TMEM272: variants seen among roughly 807,000 people sequenced by gnomAD.
TMEM272 encodes long intergenic non-protein coding RNA 282.
A neutral mutation model predicts 3.7 loss-of-function variants in TMEM272; 8 were observed. That is an observed-to-expected ratio of 2.17 (90% CI 1.27 to 3.91). The LOEUF is 3.91. TMEM272 is among the 30% of genes most tolerant of loss of function. The pLI is 0.00. For synonymous variants in TMEM272, 63 were observed against 39.8 expected, an observed-to-expected ratio of 1.58 and a Z score of -2.20; for missense variants, 166 against 91.5, an observed-to-expected ratio of 1.81 and a Z score of -3.32.
intron 1 of TMEM272, among the ~76,000 whole-genome samples, chr13:51,839,077 C>T (rs904890974): frequency 1.3e-5 from 2 of 151,984 alleles, no homozygotes; most frequent in African/African-American, 4.8e-5. Flanking sequence ...CTTCCTGACG[C>T]AGCTGCTGCA....
the TMEM272 span, among the ~76,000 whole-genome samples, chr13:51,879,683 C>T: frequency 1.3e-5 from 2 of 152,328 alleles, no homozygotes; most frequent in South Asian, 4.1e-4. Context: ...TCCACTTCCA[C>T]CAGGAATTTC....
intron 2 of TMEM272, among the ~76,000 whole-genome samples, chr13:51,831,400 G>A (rs1156665299): frequency 1.3e-5 from 2 of 152,096 alleles, no homozygotes; most frequent in Non-Finnish European, 2.9e-5. Context: ...CTCCAGCCTG[G>A]GCAACAGTGC....
chr13:51,822,067 G>A lies in TMEM272; in HGVS notation c.189C>T (p.Val63=), dbSNP rs553510482. 3.8e-5 allele frequency: 27 copies of A among 702,496 alleles called. No homozygotes were observed. The highest frequency in any genetic ancestry group is 3.3e-4 in the African/African-American group (19 of 57,320). 43.5% of individuals were successfully genotyped at this position (702,496 alleles called of 1,614,324 possible). A position where few individuals can be genotyped will look rare whatever the true frequency, so the allele number is the denominator to read the frequency against. ...AAAGATACTTTACCTTTAAGGTACCGACGATGCCACCCACTAGCAAATATA... is the reference window on the plus strand; with the variant it reads ...AAAGATACTTTACCTTTAAGGTACCAACGATGCCACCCACTAGCAAATATA... The part of the protein sequence containing the change: ...IPLYLLVGGI[V]GTLKVSLLLY... Residue 63 remains valine, a synonymous_variant, in exon 4 of 5, where the codon GTC becomes GTT. Coordinates refer to ENST00000629372, the MANE Select transcript of TMEM272 (RefSeq NM_001351003.2).
At chr13:51,930,483 G>C in the TMEM272 span, 1 of 152,162 alleles carries the variant, frequency 6.6e-6, no homozygotes, top group African/African-American at 2.4e-5. Context: ...GTTTGAAAAT[G>C]AAGAAAATAG....
At chr13:51,819,587 C>T (rs1451440579) in intron 4 of TMEM272, among the ~76,000 whole-genome samples, 5 of 152,250 alleles carry the variant, frequency 3.3e-5, no homozygotes, top group Non-Finnish European at 7.3e-5. Flanking sequence ...CTCCCACTAA[C>T]CTTTGAGGTT....
At chr13:51,859,847 G>A in the TMEM272 span, among the ~76,000 whole-genome samples, 3 of 151,700 alleles carry the variant, frequency 2.0e-5, no homozygotes, top group Non-Finnish European at 4.4e-5. Flanking sequence ...ATTGCAAACA[G>A]AGTTATATAT....
At chr13:51,896,969 T>C in the TMEM272 span, among the ~76,000 whole-genome samples, 510 of 152,292 alleles carry the variant, frequency 3.3e-3, 3 homozygotes, top group African/African-American at 0.012. Flanking sequence ...CGCAGTTCCA[T>C]GTACACCGTC....
At chr13:51,926,976 G>GGAAAACAAAGCCCCCAGCCTAAAGCAT in the TMEM272 span, among the ~76,000 whole-genome samples, 2 of 151,972 alleles carry the variant, frequency 1.3e-5, no homozygotes, top group African/African-American at 4.8e-5. Context: ...AGCTTTAAGG[G>GGAAAACAAAGCCCCCAGCCTAAAGCAT]GAAAACAAAG....
the TMEM272 span, among the ~76,000 whole-genome samples, chr13:51,852,413 T>A: frequency 6.6e-6 from 1 of 152,184 alleles, no homozygotes; most frequent in East Asian, 1.9e-4. Context: ...CATGACAAAG[T>A]CTCCTCTTTC....
chr13:51,877,596 C>T, the TMEM272 span, among the ~76,000 whole-genome samples: 1 of 152,178 alleles, frequency 6.6e-6, no homozygotes, highest in Non-Finnish European at 1.5e-5. Flanking sequence ...AAACAGCAAA[C>T]CAAGAGGTAA....
chr13:51,865,563 T>C, the TMEM272 span: 1 of 1,614,062 alleles, frequency 6.2e-7, no homozygotes. Flanking sequence ...CGTGAAAAAA[T>C]AGAGGACTTC....
At chr13:51,865,717 T>C in the TMEM272 span, 1 of 1,614,106 alleles carries the variant, frequency 6.2e-7, no homozygotes, top group Middle Eastern at 1.6e-4. Context: ...TGGAAAAGTC[T>C]TTCAGGGAGG....
the TMEM272 span, among the ~76,000 whole-genome samples, chr13:51,905,155 A>G: frequency 1.3e-5 from 2 of 152,232 alleles, no homozygotes; most frequent in Non-Finnish European, 2.9e-5. Flanking sequence ...GTCAACAGAG[A>G]ACGGCCCTAA....
At chr13:51,904,529 C>G in the TMEM272 span, among the ~76,000 whole-genome samples, 1 of 152,050 alleles carries the variant, frequency 6.6e-6, no homozygotes, top group African/African-American at 2.4e-5. Context: ...AATAGGAATT[C>G]ATGGTATGGA....
chr13:51,932,159 G>A, the TMEM272 span, among the ~76,000 whole-genome samples: 1 of 151,982 alleles, frequency 6.6e-6, no homozygotes, highest in African/African-American at 2.4e-5. Context: ...AGATTACACT[G>A]TCAACTCCCT....
chr13:51,895,471 G>A, the TMEM272 span, among the ~76,000 whole-genome samples: 1 of 152,166 alleles, frequency 6.6e-6, no homozygotes, highest in African/African-American at 2.4e-5. Context: ...TTTAGGCAGG[G>A]AATGGATTCT....
At chr13:51,916,704 T>C in the TMEM272 span, among the ~76,000 whole-genome samples, 13 of 152,196 alleles carry the variant, frequency 8.5e-5, no homozygotes, top group Admixed American at 2.0e-4. Context: ...AGGTCAGTTA[T>C]CCAAGAAATC....
At chr13:51,902,586 C>A in the TMEM272 span, among the ~76,000 whole-genome samples, 4 of 152,344 alleles carry the variant, frequency 2.6e-5, no homozygotes, top group African/African-American at 9.6e-5. Flanking sequence ...AGGGACTGAG[C>A]ATTCTGCCAA....
chr13:51,912,710 C>T, the TMEM272 span, among the ~76,000 whole-genome samples: 1 of 152,190 alleles, frequency 6.6e-6, no homozygotes, highest in Non-Finnish European at 1.5e-5. Context: ...TGTCTGCCTA[C>T]TGACCCCTGC....
Sources: allele counts gnomAD v4.1 joint callset (sites outside exome capture counted in the v4.1 genomes callset), GRCh38; gene constraint gnomAD v4.1.1; transcripts MANE v1.5; gene names NCBI Gene and HGNC (gene_info 2026-07-23, HGNC 2026-07-21).